The following YEATS2 variants were observed in gnomAD, a reference collection of about 807,000 sequenced individuals.
YEATS2 encodes the protein YEATS domain-containing protein 2.
In YEATS2, 77 loss-of-function variants were observed where a neutral mutation model predicts 163.2. The ratio of observed to expected loss-of-function variants is 0.47; its 90% confidence interval spans 0.39 to 0.57. The LOEUF (loss-of-function observed/expected upper bound fraction) is 0.57. Ranked by LOEUF, YEATS2 falls within the 20% of genes least tolerant of loss-of-function variation. The pLI is 0.00. For synonymous variants in YEATS2, 631 were observed against 645.1 expected (o/e 0.98, Z 0.33); for missense variants, 1,549 against 1,729.8 (o/e 0.90, Z 1.85).
intron 1 of YEATS2, among the ~76,000 whole-genome samples, chr3:183,713,950 G>A (rs1399388195): frequency 1.3e-5 from 2 of 151,828 alleles, no homozygotes; most frequent in Non-Finnish European, 2.9e-5. Flanking sequence ...GACTGCAGGT[G>A]CCCACCATTA....
intron 1 of YEATS2, among the ~76,000 whole-genome samples, chr3:183,707,889 C>T (rs1237424909): frequency 2.6e-5 from 4 of 151,638 alleles, no homozygotes; most frequent in South Asian, 2.1e-4. Context: ...TTGATGAGGC[C>T]GGTCTCGAAC....
chr3:183,728,896 AT>A, intron 7 of YEATS2, 45 bp downstream of exon 7: 1 of 1,537,168 alleles, frequency 6.5e-7, no homozygotes, highest in Non-Finnish European at 8.8e-7. Flanking sequence ...ATGCAGACTT[AT>A]TTTTGAAGTG....
intron 4 of YEATS2, among the ~76,000 whole-genome samples, chr3:183,721,659 A>G (rs868681527): frequency 6.6e-6 from 1 of 152,192 alleles, no homozygotes; most frequent in African/African-American, 2.4e-5. Flanking sequence ...GGAAGACCCT[A>G]CATCTCTAGC....
intron 1 of YEATS2, among the ~76,000 whole-genome samples, chr3:183,712,810 G>C (rs111450884): frequency 2.4e-4 from 36 of 151,760 alleles, no homozygotes; most frequent in African/African-American, 8.0e-4. Flanking sequence ...GCCCAGGCCG[G>C]AGTGCAGTGG....
chr3:183,716,538 T>C (rs1381218844), intron 2 of YEATS2, among the ~76,000 whole-genome samples: 1 of 152,186 alleles, frequency 6.6e-6, no homozygotes, highest in Admixed American at 6.6e-5. Context: ...CTTTCCCTCC[T>C]CATTCAGCTG....
chr3:183,765,837 C>G (rs546461662), intron 15 of YEATS2, among the ~76,000 whole-genome samples: 1 of 151,614 alleles, frequency 6.6e-6, no homozygotes, highest in South Asian at 2.1e-4. Context: ...ATCCCAGCTA[C>G]TTGGGAGGCT....
At chr3:183,768,502 T>G (rs1215698190) in intron 15 of YEATS2, among the ~76,000 whole-genome samples, 3 of 152,188 alleles carry the variant, frequency 2.0e-5, no homozygotes, top group Non-Finnish European at 4.4e-5. Flanking sequence ...ACTAGCAGTT[T>G]CTGCCACACT....
At chr3:183,780,100 C>G (rs1380094345) in intron 19 of YEATS2, among the ~76,000 whole-genome samples, 1 of 149,930 alleles carries the variant, frequency 6.7e-6, no homozygotes, top group Non-Finnish European at 1.5e-5. Flanking sequence ...TACAACTAAA[C>G]TTGAAGAAAC....
At chr3:183,783,569 A>AG (rs1263703990) in intron 19 of YEATS2, among the ~76,000 whole-genome samples, 1 of 152,196 alleles carries the variant, frequency 6.6e-6, no homozygotes, top group Non-Finnish European at 1.5e-5. Flanking sequence ...CCCATGTCAT[A>AG]GTCCTCAGTG....
intron 2 of YEATS2, 62 bp downstream of exon 2, chr3:183,715,324 C>T (rs1167565275): frequency 8.2e-6 from 10 of 1,220,692 alleles, no homozygotes; most frequent in Admixed American, 7.4e-5. Flanking sequence ...AGAAAACTTA[C>T]AGGAACTAGA....
At position 183,698,003 on chromosome 3, in the gene YEATS2, G is replaced by C. The variant is rs1305477808; in HGVS notation, c.-20+10G>C. On this transcript the variant is annotated intron_variant, in intron 1 of 30. Coordinates refer to ENST00000305135, the MANE Select transcript of YEATS2 (RefSeq NM_018023.5). ...GAGACCCGGAGAAAGGGTGAGTGTT[G>C]GCGGGCGCAGGAAGGGACCGGCCGG... 1 of 152,010 alleles carries C rather than the reference G, an allele frequency of 6.6e-6. No homozygotes were observed. Among genetic ancestry groups the C allele is most frequent in the African/African-American group, 2.4e-5 (1 of 41,428 alleles). 9.4% of individuals were successfully genotyped at this position (152,010 alleles called of 1,614,324 possible). A position where few individuals can be genotyped will look rare whatever the true frequency, so the allele number is the denominator to read the frequency against.
At chr3:183,774,639 A>G (rs1380910279) in intron 17 of YEATS2, among the ~76,000 whole-genome samples, 1 of 152,222 alleles carries the variant, frequency 6.6e-6, no homozygotes, top group African/African-American at 2.4e-5. Flanking sequence ...GCTTTGACAT[A>G]TAGAGAAAAA....
At chr3:183,753,149 CTT>C in intron 10 of YEATS2, among the ~76,000 whole-genome samples, 1 of 152,188 alleles carries the variant, frequency 6.6e-6, no homozygotes, top group Middle Eastern at 3.4e-3. Context: ...TACAGGAAGA[CTT>C]TATGGTTCAG....
At chr3:183,736,864 G>A in intron 8 of YEATS2, 35 bp downstream of exon 8, 1 of 1,576,148 alleles carries the variant, frequency 6.3e-7, no homozygotes. Flanking sequence ...TAGTTTTGAA[G>A]TCTCTTTTTA....
rs757280190 is a variant in YEATS2 at position 183,775,902 on chromosome 3, A to G, written c.2369-13A>G. ...ACTTTTTATGATGTTGCTGTCATTC[A>G]TTGTATTTTTAGATCTCCAGTCTGG... On this transcript the variant is annotated splice_polypyrimidine_tract_variant and intron_variant, in intron 17 of 30. Transcript: ENST00000305135. 8.1e-6 allele frequency: 13 copies of G among 1,611,498 alleles called. No individual in the cohort carries two copies. Among genetic ancestry groups the G allele is most frequent in the East Asian group, 2.2e-5 (1 of 44,862 alleles).
chr3:183,719,638 G>A (rs1393055150), intron 4 of YEATS2, among the ~76,000 whole-genome samples: 2 of 151,852 alleles, frequency 1.3e-5, no homozygotes, highest in Non-Finnish European at 2.9e-5. Context: ...GATTTACCCT[G>A]TTTAATGAGC....
intron 1 of YEATS2, 144 bp downstream of exon 1, chr3:183,698,137 G>C (rs1713672927): frequency 6.6e-6 from 1 of 152,068 alleles, no homozygotes; most frequent in Admixed American, 6.5e-5. Context: ...TGAGGCCCCG[G>C]GGCCGAGGGG....
rs1311093190 is a variant in YEATS2, at chr3:183,797,054, AG to A, written c.3098-867del. On this transcript the variant is annotated intron_variant, in intron 21 of 30. Transcript: ENST00000305135. ...GAGGCCTAGGTGAGTGGATCACTTG[AG>A]GTTGGGAGTTCGAGACCAGCCTGGC... is the stretch of plus-strand genomic sequence containing the variant. Among the ~76,000 whole-genome samples the A allele has an allele frequency of 1.3e-5, 2 of 152,058 alleles. 1 individual carries two copies. The highest frequency in any genetic ancestry group is 2.9e-5 in the Non-Finnish European group (2 of 68,016).
At chr3:183,721,658 T>C (rs1462940644) in intron 4 of YEATS2, among the ~76,000 whole-genome samples, 1 of 152,226 alleles carries the variant, frequency 6.6e-6, no homozygotes, top group Non-Finnish European at 1.5e-5. Context: ...CGGAAGACCC[T>C]ACATCTCTAG....
Sources: gnomAD v4.1 joint callset for allele counts (sites outside exome capture counted in the v4.1 genomes callset) on GRCh38, gnomAD v4.1.1 for gene constraint, MANE v1.5 for transcripts, NCBI Gene and HGNC (gene_info 2026-07-23, HGNC 2026-07-21) for gene names.